The following ABHD18 variants were observed in gnomAD, a reference collection of about 807,000 sequenced individuals.
The protein encoded by ABHD18 is abhydrolase domain containing 18.
In ABHD18, 55 loss-of-function variants were observed where a neutral mutation model predicts 65.9. The ratio of observed to expected loss-of-function variants is 0.84; its 90% CI spans 0.67 to 1.05. The LOEUF is 1.05. Among genes scored for constraint, ABHD18 ranks in the 50% least tolerant of loss-of-function variants. The pLI, the probability that ABHD18 is intolerant of heterozygous loss-of-function variation, is 0.00. For missense variants in ABHD18, 533 were observed against 558.5 expected (o/e 0.95, Z 0.46); for synonymous variants, 181 against 180.2 (o/e 1.00, Z -0.04).
At chr4:128,000,023 C>G (rs186018307) in intron 4 of ABHD18, among the ~76,000 whole-genome samples, 1 of 152,256 alleles carries the variant, frequency 6.6e-6, no homozygotes, top group South Asian at 2.1e-4. Context: ...GAGAAGAGAG[C>G]CTGTGCAGGG....
intron 10 of ABHD18, among the ~76,000 whole-genome samples, chr4:128,026,421 T>G (rs1196848889): frequency 6.6e-6 from 1 of 151,320 alleles, no homozygotes. Context: ...ATCGTGCCAT[T>G]GCACTCCAGC....
intron 11 of ABHD18, among the ~76,000 whole-genome samples, chr4:128,029,689 A>G (rs992333793): frequency 6.6e-6 from 1 of 151,898 alleles, no homozygotes; most frequent in Non-Finnish European, 1.5e-5. Context: ...GTTGGGCGTA[A>G]TGGTGTGTGC....
At chr4:128,002,102 C>T (rs549497371) in intron 4 of ABHD18, among the ~76,000 whole-genome samples, 14 of 151,852 alleles carry the variant, frequency 9.2e-5, no homozygotes, top group South Asian at 2.1e-4. Flanking sequence ...TGGTAAAACC[C>T]GATTTCTACT....
At position 127,969,270 on chromosome 4, in the gene ABHD18, C is replaced by T. The variant is rs573676285; in HGVS notation, c.-18+3664C>T. The stretch of plus-strand genomic sequence containing the variant: ...AGGCTGGAGTGCAATGGTGCAATAT[C>T]AGCTCACTGCAACCTCCACCTCCTA... On this transcript the variant is annotated intron_variant, in intron 1 of 12. Transcript: ENST00000645843. 3.0e-4 allele frequency among the ~76,000 whole-genome samples: 44 copies of T among 147,840 alleles called. No individual in the cohort carries two copies. The South Asian group carries it at 9.2e-3, about 31-fold the overall frequency.
chr4:128,017,906 T>C (rs1030847443), intron 8 of ABHD18, among the ~76,000 whole-genome samples: 11 of 152,326 alleles, frequency 7.2e-5, no homozygotes, highest in Non-Finnish European at 1.6e-4. Context: ...GATTCCTAAT[T>C]GCTTTCTCTG....
At chr4:128,023,883 CA>C (rs1025622367) in intron 10 of ABHD18, among the ~76,000 whole-genome samples, 1 of 151,180 alleles carries the variant, frequency 6.6e-6, no homozygotes, top group East Asian at 1.9e-4. Context: ...GACTCCGTCT[CA>C]AAAAAACAAA....
At chr4:127,975,300 T>G (rs1747696787) in intron 1 of ABHD18, among the ~76,000 whole-genome samples, 1 of 152,098 alleles carries the variant, frequency 6.6e-6, no homozygotes, top group Non-Finnish European at 1.5e-5. Context: ...AACAGTAGCC[T>G]CCCCCTTTTC....
At chr4:128,000,338 A>G (rs1752455299) in intron 4 of ABHD18, among the ~76,000 whole-genome samples, 1 of 152,226 alleles carries the variant, frequency 6.6e-6, no homozygotes, top group South Asian at 2.1e-4. Flanking sequence ...AATCTTCTGC[A>G]TATGGCTAGC....
At chr4:128,019,964 A>G (rs1756195911) in intron 8 of ABHD18, 116 bp from the exon 9 acceptor site, 2 of 582,432 alleles carry the variant, frequency 3.4e-6, no homozygotes, top group Admixed American at 6.3e-5. Flanking sequence ...GAATGTTTGC[A>G]GACTTTGTGT....
chr4:128,020,693 A>G (rs761648909), intron 9 of ABHD18, among the ~76,000 whole-genome samples: 3 of 152,188 alleles, frequency 2.0e-5, no homozygotes, highest in Non-Finnish European at 4.4e-5. Context: ...TTACTGGTCA[A>G]GTTCCCAGAC....
chr4:128,033,825 C>T (rs958233165), intron 12 of ABHD18, among the ~76,000 whole-genome samples: 12 of 151,886 alleles, frequency 7.9e-5, no homozygotes, highest in African/African-American at 1.9e-4. Flanking sequence ...CGTGAGCCAC[C>T]GCACCCGGCT....
In ABHD18 at chr4:128,017,369, CAGCTTA is replaced by C; in HGVS notation, c.479_484del (p.Ser160_Leu161del). On this transcript the variant is annotated inframe_deletion, in exon 8 of 13. Coordinates refer to ENST00000645843, the MANE Select transcript of ABHD18 (RefSeq NM_001358451.3). ...TTTTGTTTTGTGAGGCTAGAAGGTC[CAGCTTA>C]AAAAATGTGTCCGACCTTTTTGTGA... The C allele has an allele frequency of 6.2e-7, 1 of 1,612,898 alleles. No homozygotes were observed. The highest frequency in any genetic ancestry group is 8.5e-7 in the Non-Finnish European group (1 of 1,179,614).
At chr4:127,973,016 CTTTCT>C (rs1747143966) in intron 1 of ABHD18, among the ~76,000 whole-genome samples, 1 of 151,864 alleles carries the variant, frequency 6.6e-6, no homozygotes, top group Admixed American at 6.6e-5. Flanking sequence ...CACTCGTTTC[CTTTCT>C]TTTCTTTTCT....
chr4:127,971,719 T>A (rs770138865), intron 1 of ABHD18, among the ~76,000 whole-genome samples: 28 of 152,250 alleles, frequency 1.8e-4, no homozygotes, highest in Admixed American at 9.8e-4. Context: ...CTCAATCTCC[T>A]GACCTCGTGA....
At chr4:127,976,461 GAAATGAAAA>G (rs1429097691) in intron 1 of ABHD18, among the ~76,000 whole-genome samples, 9 of 151,964 alleles carry the variant, frequency 5.9e-5, no homozygotes, top group South Asian at 2.1e-4. Context: ...ATGTGACTCT[GAAATGAAAA>G]AAATGAAAAA....
In ABHD18 at chr4:128,028,553, G is replaced by A. The variant is rs779678124; in HGVS notation, c.880G>A (p.Val294Ile). The A allele has an allele frequency of 1.6e-5, 26 of 1,611,944 alleles. No homozygotes were observed. In the Admixed American group the frequency reaches 2.2e-4, roughly 14 times the overall value. Reference sequence around the variant, plus strand: ...AGACAAGCTAACTAACCTTAATCTGGTTTCCAGAACTTTAAATTTAGATAT... The same window carrying A: ...AGACAAGCTAACTAACCTTAATCTGATTTCCAGAACTTTAAATTTAGATAT... ...SADKLTNLNL[V>I]SRTLNLDISN... Residue 294 changes from valine (V) to isoleucine (I), a missense_variant, in exon 11 of 13, where the codon GTT (valine) becomes ATT (isoleucine). Val to Ile is a conservative substitution (Grantham distance 29, BLOSUM62 3). Coordinates refer to ENST00000645843, the MANE Select transcript of ABHD18 (RefSeq NM_001358451.3).
intron 3 of ABHD18, among the ~76,000 whole-genome samples, chr4:127,987,807 T>G (rs980379701): frequency 6.6e-5 from 10 of 152,104 alleles, no homozygotes; most frequent in African/African-American, 2.2e-4. Context: ...GATTAAAAAT[T>G]CAGTTTTATA....
chr4:127,981,111 C>G (rs1238482710), intron 1 of ABHD18, among the ~76,000 whole-genome samples: 1 of 152,096 alleles, frequency 6.6e-6, no homozygotes, highest in African/African-American at 2.4e-5. Flanking sequence ...CTTGGGTGCT[C>G]CTTTTCATGT....
At chr4:128,021,748 AAC>A (rs1259171170) in intron 10 of ABHD18, among the ~76,000 whole-genome samples, 1 of 150,210 alleles carries the variant, frequency 6.7e-6, no homozygotes, top group Non-Finnish European at 1.5e-5. Context: ...TTAAAAGGCA[AAC>A]ACACTGTAAC....
Sources: gnomAD v4.1 joint callset for allele counts (sites outside exome capture counted in the v4.1 genomes callset) on GRCh38, gnomAD v4.1.1 for gene constraint, MANE v1.5 for transcripts, NCBI Gene and HGNC (gene_info 2026-07-23, HGNC 2026-07-21) for gene names.